Variants in GLB1L3 observed in about 807,000 individuals in gnomAD.
GLB1L3 encodes the protein beta-galactosidase-1-like protein 3.
Under a neutral mutation model 89.5 loss-of-function variants are expected in GLB1L3, and 89 were observed. That is an observed-to-expected ratio of 0.99 (90% CI 0.84 to 1.19). The LOEUF is 1.19. GLB1L3 is among the 50% of genes most tolerant of loss of function. GLB1L3 has a pLI of 0.00. For synonymous variants in GLB1L3, 314 were observed against 312.3 expected, an observed-to-expected ratio of 1.01 and a Z score of -0.06; for missense variants, 812 against 813.3, an observed-to-expected ratio of 1.00 and a Z score of 0.02.
chr11:134,292,293 C>T, intron 8 of GLB1L3, 80 bp downstream of exon 8: 1 of 960,996 alleles, frequency 1.0e-6, no homozygotes, highest in East Asian at 2.5e-5. Context: ...GCAGAGAAAA[C>T]CAAGTGCATC....
chr11:134,308,311 C>A (rs1325079264), intron 10 of GLB1L3, among the ~76,000 whole-genome samples: 2 of 42,898 alleles, frequency 4.7e-5, no homozygotes, highest in Non-Finnish European at 9.5e-5. Flanking sequence ...ACCACCACCA[C>A]TACCACCACC....
chr11:134,300,637 A>G (rs763546567), intron 9 of GLB1L3, among the ~76,000 whole-genome samples: 2 of 152,020 alleles, frequency 1.3e-5, no homozygotes, highest in African/African-American at 2.4e-5. Context: ...CCCGGCCCCT[A>G]TTGACCACAT....
intron 10 of GLB1L3, among the ~76,000 whole-genome samples, chr11:134,308,256 C>CCACCATCACCACCAT (rs1565412720): frequency 2.8e-5 from 1 of 35,916 alleles, no homozygotes; most frequent in Non-Finnish European, 5.6e-5. Context: ...ACCACCATCA[C>CCACCATCACCACCAT]CACCACCACC....
In GLB1L3 at chr11:134,276,782, C is replaced by A. The variant is rs867913990; in HGVS notation, c.23+19C>A. 1.4e-6 allele frequency: 2 copies of A among 1,422,234 alleles called. No individual in the cohort carries two copies. The highest frequency in any genetic ancestry group is 1.5e-5 in the African/African-American group (1 of 67,480). The allele number at this position is 1,422,234 out of a possible 1,614,324, so 88.1% of individuals were successfully genotyped here. ...TCCTCAGGTGACGGATCGCCGCTGC[C>A]GTCCCGGGCTGCCCACCACCCCGGC... is the stretch of plus-strand genomic sequence containing the variant. On this transcript the variant is annotated intron_variant, in intron 1 of 19. Transcript: ENST00000431683.
intron 18 of GLB1L3, among the ~76,000 whole-genome samples, chr11:134,315,779 A>G (rs1314821449): frequency 1.3e-5 from 2 of 151,934 alleles, no homozygotes; most frequent in African/African-American, 4.8e-5. Context: ...TTATTTTCTG[A>G]TTCTGTCATT....
At chr11:134,288,477 A>AG (rs1941141742) in intron 6 of GLB1L3, among the ~76,000 whole-genome samples, 1 of 152,184 alleles carries the variant, frequency 6.6e-6, no homozygotes, top group African/African-American at 2.4e-5. Flanking sequence ...CTAAGGCAGG[A>AG]GGGAGGTGGG....
chr11:134,277,257 C>G (rs1565384798), intron 1 of GLB1L3, 69 bp from the exon 2 acceptor site: 2 of 1,606,228 alleles, frequency 1.2e-6, no homozygotes, highest in Admixed American at 3.3e-5. Context: ...CCCGGCACAG[C>G]TTCCCGGCCC....
chr11:134,315,441 G>A (rs1464691126), intron 18 of GLB1L3, among the ~76,000 whole-genome samples: 2 of 152,158 alleles, frequency 1.3e-5, no homozygotes, highest in African/African-American at 4.8e-5. Flanking sequence ...AAGCCTTCTA[G>A]AGCTGGCATT....
rs200184626 is a variant in GLB1L3 at position 134,277,411 on chromosome 11, G to C, written c.109G>C (p.Glu37Gln). ...TTTTGCTCCTCGGTTTAAGCAGGAA[G>C]AGAACTTCATGCTTGGAAGAGCGCA... Reference protein sequence around the residue: ...SGFAPRFKQEENFMLGRAHPS... With the variant: ...SGFAPRFKQEQNFMLGRAHPS... Residue 37 changes from glutamate (E) to glutamine (Q), a missense_variant, in exon 2 of 20, where the codon GAG becomes CAG. Glu to Gln is a conservative substitution (Grantham distance 29). This residue lies in a region of GLB1L3 where 191 missense variants were observed against 191.4 expected (regional missense o/e 1.00). Transcript: ENST00000431683. 5.6e-6 allele frequency: 9 copies of C among 1,613,836 alleles called. No homozygotes were observed. The highest frequency in any genetic ancestry group is 7.6e-6 in the Non-Finnish European group (9 of 1,179,870).
chr11:134,303,357 A>T (rs1327670801), intron 9 of GLB1L3, among the ~76,000 whole-genome samples: 1 of 152,136 alleles, frequency 6.6e-6, no homozygotes, highest in Non-Finnish European at 1.5e-5. Context: ...TTCTTGTTAG[A>T]CTGAAGTTGA....
At chr11:134,308,179 C>A (rs1323104601) in intron 10 of GLB1L3, among the ~76,000 whole-genome samples, 1 of 116,862 alleles carries the variant, frequency 8.6e-6, no homozygotes, top group East Asian at 2.9e-4. Context: ...GCACCACCAC[C>A]ATCACCATCA....
intron 9 of GLB1L3, among the ~76,000 whole-genome samples, chr11:134,299,004 C>T (rs950661331): frequency 6.6e-6 from 1 of 152,120 alleles, no homozygotes; most frequent in Non-Finnish European, 1.5e-5. Flanking sequence ...TTCCCACTGT[C>T]TTTTTTTCTC....
chr11:134,303,500 GA>G lies in GLB1L3; in HGVS notation c.877-3623del, dbSNP rs146114981. Among the ~76,000 whole-genome samples the G allele has an allele frequency of 6.4e-3, 973 of 152,198 alleles. 12 individuals are homozygous for G. The highest frequency in any genetic ancestry group is 0.022 in the African/African-American group (916 of 41,514). On this transcript the variant is annotated intron_variant, in intron 9 of 19. Coordinates refer to ENST00000431683, the MANE Select transcript of GLB1L3 (RefSeq NM_001080407.3). ...TTTCCTATGTCATTCTGGAGTTACA[GA>G]GTCTGATTTTATCTTTTAAAAGTCA... is the stretch of plus-strand genomic sequence containing the variant.
At chr11:134,287,469 A>G (rs1941082071) in intron 6 of GLB1L3, 1 of 152,174 alleles carries the variant, frequency 6.6e-6, no homozygotes, top group Non-Finnish European at 1.5e-5. Context: ...TTTAGAGTGC[A>G]TTACTGGTTT....
chr11:134,293,713 A>ACAT lies in GLB1L3; in HGVS notation c.876+506_876+508dup, dbSNP rs200020514. Among the ~76,000 whole-genome samples, 579 of 113,706 alleles carry ACAT rather than the reference A, an allele frequency of 5.1e-3. 4 individuals carry two copies. Among genetic ancestry groups the ACAT allele is most frequent in the African/African-American group, 0.015 (554 of 36,416 alleles). The allele number at this position is 113,706 out of a possible 152,430, so 74.6% of individuals were successfully genotyped here. ...AGCCACAGCCCAGCCTCCAGGGAGTACATCTGTCCTTTCTCTGCAGCCTCC... is the reference window on the plus strand; with the variant it reads ...AGCCACAGCCCAGCCTCCAGGGAGTACATCATCTGTCCTTTCTCTGCAGCCTCC... On this transcript the variant is annotated intron_variant, in intron 9 of 19. Transcript: ENST00000431683.
chr11:134,310,524 C>G (rs756871226), intron 11 of GLB1L3, 47 bp from the exon 12 acceptor site: 51 of 1,474,194 alleles, frequency 3.5e-5, no homozygotes, highest in Non-Finnish European at 4.7e-5. Context: ...GAAACAGGGC[C>G]TCCTGCAGAG....
chr11:134,321,447 C>T (rs149032777), downstream of GLB1L3, among the ~76,000 whole-genome samples: 2 of 152,230 alleles, frequency 1.3e-5, no homozygotes, highest in East Asian at 3.9e-4. Context: ...ATAAATCATG[C>T]TGCTATAAAG....
At chr11:134,296,621 T>C (rs912955069) in intron 9 of GLB1L3, among the ~76,000 whole-genome samples, 3 of 141,472 alleles carry the variant, frequency 2.1e-5, no homozygotes, top group African/African-American at 7.9e-5. Context: ...ATATTCTCAC[T>C]CATAGGTGGG....
intron 18 of GLB1L3, chr11:134,316,940 C>T (rs1943010068): frequency 6.6e-6 from 1 of 152,180 alleles, no homozygotes; most frequent in Non-Finnish European, 1.5e-5. Flanking sequence ...GTGCTTTCTT[C>T]TCATATTAAG....
Sources: allele counts gnomAD v4.1 joint callset (sites outside exome capture counted in the v4.1 genomes callset), GRCh38; gene constraint gnomAD v4.1.1; regional missense constraint gnomAD v4.1.1; transcripts MANE v1.5; gene names NCBI Gene and HGNC (gene_info 2026-07-23, HGNC 2026-07-21).